TRIOBP: variants seen among roughly 807,000 people sequenced by gnomAD.
The protein encoded by TRIOBP is TRIO and F-actin-binding protein.
A neutral mutation model predicts 238.8 loss-of-function variants in TRIOBP; 169 were observed. The ratio of observed to expected loss-of-function variants is 0.71; its 90% CI spans 0.62 to 0.80. TRIOBP has a LOEUF of 0.80. TRIOBP is among the 30% of genes least tolerant of loss of function. The pLI is 0.00. For synonymous variants in TRIOBP, 1,150 were observed against 1,274.4 expected (o/e 0.90, Z 2.08); for missense variants, 2,838 against 3,122.6 (o/e 0.91, Z 2.17).
chr22:37,764,520 A>G (rs992868458), intron 17 of TRIOBP, among the ~76,000 whole-genome samples: 2 of 152,146 alleles, frequency 1.3e-5, no homozygotes, highest in African/African-American at 4.8e-5. Context: ...GATTGTTTCC[A>G]GTTTTCATCT....
chr22:37,735,488 C>T (rs1924627725), intron 9 of TRIOBP, 46 bp downstream of exon 9: 8 of 1,539,218 alleles, frequency 5.2e-6, no homozygotes, highest in Non-Finnish European at 6.1e-6. Flanking sequence ...AAGTCAGCCC[C>T]ACTCAGCCAA....
intron 10 of TRIOBP, 104 bp from the exon 11 acceptor site, chr22:37,740,791 C>T: frequency 6.7e-7 from 1 of 1,497,790 alleles, no homozygotes; most frequent in Non-Finnish European, 9.1e-7. Context: ...AACCCTGGGG[C>T]TCCATGGTGG....
Position 37,755,198 on chromosome 22 carries a change from T to C in TRIOBP, c.5577+8T>C. 1.2e-6 allele frequency: 2 copies of C among 1,609,104 alleles called. No individual in the cohort carries two copies. The highest frequency in any genetic ancestry group is 2.3e-5 in the East Asian group (1 of 44,442). ...TATGGCTTCCAGATCCACGTGAGGC[T>C]GTGTGCAGCTTGGGGGCTGGTGGTG... is the stretch of plus-strand genomic sequence containing the variant. On this transcript the variant is annotated splice_region_variant and intron_variant, in intron 14 of 23. Coordinates refer to ENST00000644935, the MANE Select transcript of TRIOBP (RefSeq NM_001039141.3).
chr22:37,765,704 C>T lies in TRIOBP; in HGVS notation c.6359C>T (p.Ser2120Phe), dbSNP rs771589673. ...GAGCGCAGCCTGGCAGAGATGGAGT[C>T]CTCGCACCAGCAGGTGATGGAGGAG... ...ACERSLAEME[S>F]SHQQVMEELQ... is the part of the protein sequence containing the mutation. The change falls in exon 18 of 24, where the codon TCC (serine) becomes TTC (phenylalanine). Residue 2120 changes from serine to phenylalanine, a missense_variant. This residue lies in a region of TRIOBP where 2,096 missense variants were observed against 2,137.4 expected (regional missense o/e 0.98). Transcript: ENST00000644935. 12 of 1,554,416 alleles carry T rather than the reference C, an allele frequency of 7.7e-6. No individual in the cohort carries two copies. Among genetic ancestry groups the T allele is most frequent in the Middle Eastern group, 2.0e-4 (1 of 5,058 alleles).
chr22:37,711,966 G>A (rs1186517865), intron 4 of TRIOBP, among the ~76,000 whole-genome samples: 1 of 152,148 alleles, frequency 6.6e-6, no homozygotes, highest in Non-Finnish European at 1.5e-5. Flanking sequence ...GTCAATGCCT[G>A]TGGAGCCATG....
intron 12 of TRIOBP, among the ~76,000 whole-genome samples, chr22:37,753,337 C>G (rs1407646809): frequency 1.3e-5 from 2 of 152,082 alleles, no homozygotes; most frequent in East Asian, 3.8e-4. Flanking sequence ...TGCAGTGGCG[C>G]AACCTCGGCT....
chr22:37,757,538 G>A (rs1176195180), intron 15 of TRIOBP, 75 bp from the exon 16 acceptor site: 3 of 1,529,578 alleles, frequency 2.0e-6, no homozygotes, highest in Non-Finnish European at 2.6e-6. Context: ...TGGCACACAG[G>A]TGTCGCTCCA....
At chr22:37,755,400 T>A in intron 14 of TRIOBP, 150 bp from the exon 15 acceptor site, 1 of 917,868 alleles carries the variant, frequency 1.1e-6, no homozygotes. Context: ...CCCAGGCCAA[T>A]GGAAGGGAGG....
Position 37,757,716 on chromosome 22 carries a change from G to C in TRIOBP, c.5791G>C (p.Gly1931Arg). The C allele has an allele frequency of 1.0e-5, 16 of 1,578,194 alleles. No individual in the cohort carries two copies. Among genetic ancestry groups the C allele is most frequent in the Non-Finnish European group, 1.4e-5 (16 of 1,163,106 alleles). ...QRAGSEVISRGGPRKADGQRQ... is the reference protein window; with the variant it reads ...QRAGSEVISRRGPRKADGQRQ... ...GGCGGGCTCTGAGGTCATCAGCCGGGGTGGCCCTCGGAAGGCGGACGGGCA... is the reference window on the plus strand; with the variant it reads ...GGCGGGCTCTGAGGTCATCAGCCGGCGTGGCCCTCGGAAGGCGGACGGGCA... The change falls in exon 16 of 24, where the codon GGT (glycine) becomes CGT (arginine). Residue 1931 changes from glycine to arginine, a missense_variant. Physicochemically the swap from Gly to Arg is moderately radical, Grantham distance 125 (BLOSUM62 -2). Around this residue, in one of 5 missense-constraint regions of TRIOBP, gnomAD observed 2,096 missense variants for 2,137.4 expected, o/e 0.98. Transcript: ENST00000644935.
At chr22:37,741,091 G>A in intron 11 of TRIOBP, 59 bp downstream of exon 11, 4 of 1,539,514 alleles carry the variant, frequency 2.6e-6, no homozygotes, top group Admixed American at 2.0e-5. Context: ...GGGATGGGAG[G>A]GAGGAGGGGG....
chr22:37,710,025 C>G (rs979580747), intron 3 of TRIOBP, among the ~76,000 whole-genome samples: 1 of 152,230 alleles, frequency 6.6e-6, no homozygotes, highest in Admixed American at 6.5e-5. Context: ...CTATCCACCT[C>G]GTTCTGGGGC....
chr22:37,763,669 G>A (rs1190162694), intron 17 of TRIOBP, among the ~76,000 whole-genome samples: 1 of 152,124 alleles, frequency 6.6e-6, no homozygotes, highest in Non-Finnish European at 1.5e-5. Context: ...TTGAAAGGCT[G>A]GAAATCAACA....
chr22:37,723,703 G>T lies in TRIOBP; in HGVS notation c.1147G>T (p.Val383Phe). 1 of 1,611,718 alleles carries T rather than the reference G, an allele frequency of 6.2e-7. No homozygotes were observed. Among genetic ancestry groups the T allele is most frequent in the Non-Finnish European group, 8.5e-7 (1 of 1,178,790 alleles). Residue 383 changes from valine to phenylalanine, a missense_variant, in exon 7 of 24, where the codon GTC becomes TTC. Coordinates refer to ENST00000644935, the MANE Select transcript of TRIOBP (RefSeq NM_001039141.3). ...GCGGGAAAACCCCAGGACACCCTGTGTCCAGCAGGACGATCCCAGAGCCTC... is the reference window on the plus strand; with the variant it reads ...GCGGGAAAACCCCAGGACACCCTGTTTCCAGCAGGACGATCCCAGAGCCTC... ...PQRENPRTPC[V>F]QQDDPRASSP... is the part of the protein sequence containing the mutation.
In TRIOBP at chr22:37,759,258, C is replaced by A; in HGVS notation, c.6318C>A (p.Ile2106=). Residue 2106 remains isoleucine, a synonymous_variant, in exon 17 of 24, where the codon ATC becomes ATA. Transcript: ENST00000644935. ...QEDGHIPPGY[I]SQEACERSLA... is the part of the protein sequence containing the mutation. ...ATGGCCACATCCCCCCGGGCTACAT[C>A]TCACAGGTAAGGCCGGGGGGCTGTT... The A allele has an allele frequency of 3.1e-6, 5 of 1,612,874 alleles. No individual in the cohort carries two copies. The highest frequency in any genetic ancestry group is 4.2e-6 in the Non-Finnish European group (5 of 1,179,678).
intron 11 of TRIOBP, chr22:37,751,483 G>T: frequency 2.0e-6 from 1 of 498,602 alleles, no homozygotes; most frequent in Non-Finnish European, 3.7e-6. Context: ...CTTGGGCGAG[G>T]GGTCGGCTGG....
At chr22:37,757,159 C>G (rs75393219) in intron 15 of TRIOBP, among the ~76,000 whole-genome samples, 10,083 of 151,998 alleles carry the variant, frequency 0.066, 1,119 homozygotes, top group African/African-American at 0.23. Flanking sequence ...CCCAGGAGTT[C>G]GAGACCAACC....
At chr22:37,741,156 G>A (rs1193565994) in intron 11 of TRIOBP, 124 bp downstream of exon 11, 6 of 1,316,770 alleles carry the variant, frequency 4.6e-6, no homozygotes, top group East Asian at 5.1e-5. Context: ...TAGGGCCGTC[G>A]CATGACAGGA....
intron 6 of TRIOBP, among the ~76,000 whole-genome samples, chr22:37,719,989 C>CACACTGCACTCACTGTTTCACTCA (rs367687004): frequency 5.6e-5 from 4 of 71,208 alleles, no homozygotes; most frequent in South Asian, 6.2e-4. Flanking sequence ...TTTCACTCAT[C>CACACTGCACTCACTGTTTCACTCA]CCCCCCCGCC....
At position 37,725,319 on chromosome 22, in the gene TRIOBP, C is replaced by T. The variant is rs1319205414; in HGVS notation, c.2763C>T (p.Thr921=). The T allele has an allele frequency of 1.2e-6, 2 of 1,613,714 alleles. No homozygotes were observed. The highest frequency in any genetic ancestry group is 1.7e-6 in the Non-Finnish European group (2 of 1,179,930). The change falls in exon 7 of 24, where the codon ACC becomes ACT. Residue 921 remains threonine, a synonymous_variant. Coordinates refer to ENST00000644935, the MANE Select transcript of TRIOBP (RefSeq NM_001039141.3). ...LRPTQSDGPR[T]SSPSRSKQSE... ...CAACTCAGAGTGATGGTCCCCGAAC[C>T]TCTTCCCCATCTCGCTCCAAGCAAA...
Sources: allele counts gnomAD v4.1 joint callset (sites outside exome capture counted in the v4.1 genomes callset), GRCh38; gene constraint gnomAD v4.1.1; regional missense constraint gnomAD v4.1.1; transcripts MANE v1.5; gene names NCBI Gene and HGNC (gene_info 2026-07-23, HGNC 2026-07-21).